KSR2: variants seen among roughly 807,000 people sequenced by gnomAD.
KSR2 encodes kinase suppressor of ras 2.
Under a neutral mutation model 107.8 loss-of-function variants are expected in KSR2, and 25 were observed. The observed-to-expected ratio is 0.23, with a 90% CI of 0.17 to 0.32. The LOEUF (loss-of-function observed/expected upper bound fraction) is 0.32, where lower values mean the gene tolerates loss of function less well. KSR2 is among the 10% of genes least tolerant of loss of function. The pLI is 1.00. For synonymous variants in KSR2, 480 were observed against 507.0 expected, an observed-to-expected ratio of 0.95 and a Z score of 0.71; for missense variants, 887 against 1,268.9, an observed-to-expected ratio of 0.70 and a Z score of 4.57.
Position 117,717,656 on chromosome 12 carries a change from G to C in KSR2, c.986+43355C>G, listed in dbSNP as rs543725134. Among the ~76,000 whole-genome samples, 4 of 151,112 alleles carry C rather than the reference G, an allele frequency of 2.6e-5. No homozygotes were observed. In the South Asian group the frequency reaches 8.4e-4, roughly 32 times the overall value. ...TACCATCCATCCATGTGGCATGTGTGGGGCAGACAGGTGTGTGTGTGTGTG... is the reference window on the plus strand; with the variant it reads ...TACCATCCATCCATGTGGCATGTGTCGGGCAGACAGGTGTGTGTGTGTGTG... On this transcript the variant is annotated intron_variant, in intron 4 of 19. Coordinates refer to ENST00000339824, the MANE Select transcript of KSR2 (RefSeq NM_173598.6).
At chr12:117,547,619 T>C (rs962869326) in intron 9 of KSR2, among the ~76,000 whole-genome samples, 1 of 152,066 alleles carries the variant, frequency 6.6e-6, no homozygotes, top group Admixed American at 6.5e-5. Flanking sequence ...GCAACAGATT[T>C]TTCTGTGGTG....
chr12:117,579,399 T>C (rs181105842), intron 6 of KSR2, among the ~76,000 whole-genome samples, 197 bp from the exon 7 acceptor site: 20 of 152,268 alleles, frequency 1.3e-4, no homozygotes, highest in African/African-American at 4.8e-4. Flanking sequence ...ATAATAACAG[T>C]ATTGACCTCA....
intron 5 of KSR2, among the ~76,000 whole-genome samples, chr12:117,600,202 C>T (rs1880862788): frequency 6.6e-6 from 1 of 152,192 alleles, no homozygotes; most frequent in Admixed American, 6.5e-5. Context: ...GATTGCAACC[C>T]TCCAGGAGGA....
chr12:117,530,211 A>G (rs1347266722), intron 12 of KSR2, among the ~76,000 whole-genome samples: 3 of 152,200 alleles, frequency 2.0e-5, no homozygotes, highest in African/African-American at 7.2e-5. Context: ...TGAGATCATG[A>G]GTGATTATTT....
intron 16 of KSR2, among the ~76,000 whole-genome samples, chr12:117,479,341 G>A (rs1161756662): frequency 6.6e-6 from 1 of 152,228 alleles, no homozygotes; most frequent in African/African-American, 2.4e-5. Context: ...CAGGCTAGGA[G>A]CAGACTGGCA....
At chr12:117,856,030 C>T (rs1893091550) in intron 2 of KSR2, among the ~76,000 whole-genome samples, 1 of 152,102 alleles carries the variant, frequency 6.6e-6, no homozygotes, top group African/African-American at 2.4e-5. Flanking sequence ...CTGGGTCCCA[C>T]TCTCTCTCTG....
At chr12:117,611,846 A>T (rs1881620262) in intron 5 of KSR2, among the ~76,000 whole-genome samples, 2 of 152,238 alleles carry the variant, frequency 1.3e-5, no homozygotes, top group Non-Finnish European at 2.9e-5. Flanking sequence ...CATTATGCTA[A>T]ACGAAATAAG....
intron 1 of KSR2, chr12:117,889,720 G>A (rs10850923): frequency 0.36 from 54,711 of 152,052 alleles, 11,590 homozygotes; most frequent in East Asian, 0.87. Flanking sequence ...GCTTTATCCT[G>A]GACCAGGAGT....
At chr12:117,785,557 T>G (rs2136957502) in intron 3 of KSR2, among the ~76,000 whole-genome samples, 1 of 149,822 alleles carries the variant, frequency 6.7e-6, no homozygotes, top group East Asian at 2.0e-4. Context: ...ACTCTTGAAA[T>G]GAAAAGATAG....
chr12:117,539,631 C>T (rs1281566113), intron 10 of KSR2, 88 bp downstream of exon 10: 2 of 1,283,832 alleles, frequency 1.6e-6, no homozygotes, highest in African/African-American at 1.5e-5. Context: ...AGACTTGCTG[C>T]ATCAGGGCTC....
chr12:117,544,307 A>G (rs1189089217), intron 9 of KSR2, among the ~76,000 whole-genome samples: 1 of 152,154 alleles, frequency 6.6e-6, no homozygotes, highest in African/African-American at 2.4e-5. Context: ...CCATATGTTA[A>G]TTGCTAGTAT....
intron 1 of KSR2, among the ~76,000 whole-genome samples, chr12:117,962,575 G>A (rs1483902280): frequency 2.6e-5 from 4 of 151,646 alleles, no homozygotes; most frequent in Non-Finnish European, 5.9e-5. Context: ...CTCCCGAGTA[G>A]TTGGGATTAC....
intron 1 of KSR2, among the ~76,000 whole-genome samples, chr12:117,937,971 GAAAAAAAAAA>G (rs771959105): frequency 1.9e-5 from 1 of 53,962 alleles, no homozygotes; most frequent in South Asian, 6.3e-4. Flanking sequence ...TCTGTCTCAA[GAAAAAAAAAA>G]AAAAAAAAAA....
chr12:117,694,759 T>G (rs1885977246), intron 4 of KSR2, among the ~76,000 whole-genome samples: 1 of 152,006 alleles, frequency 6.6e-6, no homozygotes, highest in Non-Finnish European at 1.5e-5. Flanking sequence ...AAGGAAATTC[T>G]GACACATGCT....
At position 117,907,953 on chromosome 12, in the gene KSR2, T is replaced by G. The variant is rs1289721616; in HGVS notation, c.181-47522A>C. The stretch of plus-strand genomic sequence containing the variant: ...AGTCTCTACTGAGGGCTGGAAGATA[T>G]TGGAAGATTCAGGTTGGGTAAAACT... On this transcript the variant is annotated intron_variant, in intron 1 of 19. Coordinates refer to ENST00000339824, the MANE Select transcript of KSR2 (RefSeq NM_173598.6). The surrounding 1 kb of genome is among the most constrained non-coding windows in gnomAD (Gnocchi z 4.3). Among the ~76,000 whole-genome samples the G allele has an allele frequency of 6.6e-6, 1 of 152,196 alleles. No homozygotes were observed. Among genetic ancestry groups the G allele is most frequent in the South Asian group, 2.1e-4 (1 of 4,816 alleles).
chr12:117,725,699 CA>C (rs1346707302), intron 4 of KSR2, among the ~76,000 whole-genome samples: 1 of 152,138 alleles, frequency 6.6e-6, no homozygotes, highest in African/African-American at 2.4e-5. Flanking sequence ...CCTGTAATTC[CA>C]GCACTTTGGA....
chr12:117,798,073 T>C (rs1396401695), intron 3 of KSR2, among the ~76,000 whole-genome samples: 1 of 139,774 alleles, frequency 7.2e-6, no homozygotes, highest in East Asian at 2.1e-4. Flanking sequence ...CCAGATTGAC[T>C]AGCTATCTCA....
chr12:117,637,678 T>TTTTTTG (rs1883169923), intron 5 of KSR2, among the ~76,000 whole-genome samples: 1 of 82,136 alleles, frequency 1.2e-5, no homozygotes, highest in Admixed American at 1.4e-4. Context: ...GTTTTGGGTT[T>TTTTTTG]TTTTTTTTTT....
At chr12:117,640,681 C>T (rs1301056241) in intron 5 of KSR2, among the ~76,000 whole-genome samples, 1 of 152,164 alleles carries the variant, frequency 6.6e-6, no homozygotes, top group Non-Finnish European at 1.5e-5. Context: ...CTAACTGGCT[C>T]CCACCCCTTC....
Sources: gnomAD v4.1 joint callset for allele counts (sites outside exome capture counted in the v4.1 genomes callset) on GRCh38, gnomAD v4.1.1 for gene constraint, Gnocchi (gnomAD v3.1) non-coding constraint, MANE v1.5 for transcripts, NCBI Gene and HGNC (gene_info 2026-07-23, HGNC 2026-07-21) for gene names.